The following ABCA12 variants were observed in gnomAD, a reference collection of about 807,000 sequenced individuals.
ABCA12 encodes the protein glucosylceramide transporter ABCA12.
ABCA12 carries 156 observed loss-of-function variants against 293.5 expected under a neutral mutation model. The ratio of observed to expected loss-of-function variants is 0.53; its 90% confidence interval spans 0.47 to 0.61. The LOEUF (loss-of-function observed/expected upper bound fraction) is 0.61. Ranked by LOEUF, ABCA12 falls within the 20% of genes least tolerant of loss-of-function variation. The probability of loss-of-function intolerance (pLI) is 0.00; values close to 1 mark genes in which losing one functional copy is unlikely to be tolerated. For synonymous variants in ABCA12, 1,063 were observed against 1,108.0 expected, an observed-to-expected ratio of 0.96 and a Z score of 0.81; for missense variants, 2,797 against 3,090.2, an observed-to-expected ratio of 0.91 and a Z score of 2.25.
chr2:215,073,800 G>A (rs183948058), intron 2 of ABCA12, among the ~76,000 whole-genome samples: 80 of 152,252 alleles, frequency 5.3e-4, no homozygotes, highest in African/African-American at 1.8e-3. Flanking sequence ...AACGAGTTGA[G>A]GATTTAATTC....
chr2:214,958,926 A>G, intron 40 of ABCA12, 98 bp downstream of exon 40: 2 of 1,243,818 alleles, frequency 1.6e-6, no homozygotes, highest in South Asian at 1.2e-5. Context: ...CTAGATTGAC[A>G]TTCATTCAGA....
chr2:214,987,784 C>A lies in ABCA12; in HGVS notation c.3839G>T (p.Gly1280Val). Residue 1280 changes from glycine to valine, a missense_variant, in exon 27 of 53, where the codon GGT (glycine) becomes GTT (valine). Physicochemically the swap from Gly to Val is moderately radical, Grantham distance 109 (BLOSUM62 -3). Transcript: ENST00000272895. ...TGGAAAATACCAGGGAGCTGCCATA[C>A]CGTATGTCCCTGGAATAAAAATATA... ...YVRNVFPGTYGMAAPWYFPIL... is the reference protein window; with the variant it reads ...YVRNVFPGTYVMAAPWYFPIL... 2 of 1,613,616 alleles carry A rather than the reference C, an allele frequency of 1.2e-6. No homozygotes were observed. The highest frequency in any genetic ancestry group is 2.2e-5 in the East Asian group (1 of 44,832).
chr2:214,933,981 T>C, intron 52 of ABCA12, 97 bp downstream of exon 52: 1 of 1,348,056 alleles, frequency 7.4e-7, no homozygotes, highest in Non-Finnish European at 1.0e-6. Context: ...ATTAATTCAA[T>C]TAAAAACAAA....
At position 215,011,443 on chromosome 2, in the gene ABCA12, A is replaced by G; in HGVS notation, c.2328T>C (p.Asn776=). Residue 776 remains asparagine (N), a synonymous_variant, in exon 17 of 53, where the codon AAT becomes AAC. Coordinates refer to ENST00000272895, the MANE Select transcript of ABCA12 (RefSeq NM_173076.3). ...CTTATTTTAAAGTATACTCACTGGA[A>G]TTTATGGGAATTCCATATTTTGAAG... is the stretch of plus-strand genomic sequence containing the variant. ...QIASKYGIPI[N]STPFCFSLYK... is the part of the protein sequence containing the mutation. 1 of 1,604,434 alleles carries G rather than the reference A, an allele frequency of 6.2e-7. No homozygotes were observed. Among genetic ancestry groups the G allele is most frequent in the Non-Finnish European group, 8.5e-7 (1 of 1,171,370 alleles).
Position 214,965,228 on chromosome 2 carries a change from C to T in ABCA12, c.5884+1620G>A, listed in dbSNP as rs149152480. Among the ~76,000 whole-genome samples the T allele has an allele frequency of 1.4e-3, 218 of 152,150 alleles. 1 individual carries two copies. Among genetic ancestry groups the T allele is most frequent in the African/African-American group, 5.0e-3 (208 of 41,512 alleles). On this transcript the variant is annotated intron_variant, in intron 39 of 52. Transcript: ENST00000272895. Reference sequence around the variant, plus strand: ...CTTACACCATATTCAAAAATTAACTCGAGATGGATTAAAGCCTTAAATGTA... The same window carrying T: ...CTTACACCATATTCAAAAATTAACTTGAGATGGATTAAAGCCTTAAATGTA...
At chr2:214,959,425 C>T (rs1017326277) in intron 39 of ABCA12, among the ~76,000 whole-genome samples, 4 of 152,006 alleles carry the variant, frequency 2.6e-5, no homozygotes, top group African/African-American at 9.7e-5. Flanking sequence ...TGTATTTCAA[C>T]AGCACTTCAG....
At chr2:215,066,006 T>C (rs1701633204) in intron 2 of ABCA12, among the ~76,000 whole-genome samples, 1 of 152,048 alleles carries the variant, frequency 6.6e-6, no homozygotes, top group Non-Finnish European at 1.5e-5. Flanking sequence ...TAAGTGAAAA[T>C]TGCAGTGAAC....
rs572347415 is a variant in ABCA12, at chr2:215,037,035, T to C, written c.903A>G (p.Pro301=). 3.2e-5 allele frequency: 51 copies of C among 1,613,942 alleles called. No homozygotes were observed. The South Asian group carries it at 4.9e-4, about 16-fold the overall frequency. ...SVLLVVQKVY[P]RFATNEGFRT... ...TGAAACCTTCGTTAGTTGCAAAACG[T>C]GGATAAACCTTCTGCACAACCAGCA... Residue 301 remains proline (P), a synonymous_variant, in exon 8 of 53, where the codon CCA becomes CCG. Coordinates refer to ENST00000272895, the MANE Select transcript of ABCA12 (RefSeq NM_173076.3).
At chr2:214,937,763 G>A in intron 50 of ABCA12, 148 bp from the exon 51 acceptor site, 1 of 648,642 alleles carries the variant, frequency 1.5e-6, no homozygotes, top group Non-Finnish European at 2.7e-6. Context: ...AAAAGTTCAG[G>A]ACATGTTGCA....
At chr2:215,093,455 TC>T (rs1393879085) in intron 2 of ABCA12, among the ~76,000 whole-genome samples, 1 of 152,146 alleles carries the variant, frequency 6.6e-6, no homozygotes, top group African/African-American at 2.4e-5. Flanking sequence ...ACACTAGCTC[TC>T]CCTAACTCAT....
intron 51 of ABCA12, among the ~76,000 whole-genome samples, chr2:214,937,213 T>C (rs189443923): frequency 8.3e-4 from 126 of 151,908 alleles, no homozygotes; most frequent in Middle Eastern, 3.4e-3. Context: ...TTGTTTTTGT[T>C]TTTTAGACAG....
intron 1 of ABCA12, among the ~76,000 whole-genome samples, chr2:215,122,233 T>C (rs190531786): frequency 1.3e-5 from 2 of 152,294 alleles, no homozygotes; most frequent in African/African-American, 4.8e-5. Context: ...TTTGCATGTC[T>C]ACTATGTGGC....
intron 2 of ABCA12, among the ~76,000 whole-genome samples, chr2:215,102,625 T>C (rs1289920954): frequency 1.3e-5 from 2 of 152,080 alleles, no homozygotes; most frequent in African/African-American, 2.4e-5. Context: ...ACTCTAATAC[T>C]TTTGGTTTGG....
intron 2 of ABCA12, among the ~76,000 whole-genome samples, chr2:215,106,452 A>G (rs1003845112): frequency 1.3e-5 from 2 of 152,204 alleles, no homozygotes; most frequent in Non-Finnish European, 2.9e-5. Context: ...CATCGGTGAC[A>G]CCCATGACCC....
rs1236532902 is a variant in ABCA12 at position 214,982,371 on chromosome 2, A to G, written c.4395T>C (p.Asp1465=). 3 of 1,613,852 alleles carry G rather than the reference A, an allele frequency of 1.9e-6. No individual in the cohort carries two copies. In the African/African-American group the frequency reaches 4.0e-5, roughly 22 times the overall value. ...LHEEVKRTLK[D]TGLYSHRHKR... is the part of the protein sequence containing the mutation. Reference sequence around the variant, plus strand: ...TATGACGATGGCTATATAGTCCAGTATCTTTTAAAGTCCTTCAAAAATAAT... The same window carrying G: ...TATGACGATGGCTATATAGTCCAGTGTCTTTTAAAGTCCTTCAAAAATAAT... The change falls in exon 30 of 53, where the codon GAT becomes GAC. Residue 1465 remains aspartate (D), a synonymous_variant. Transcript: ENST00000272895.
chr2:215,001,493 T>G (rs1210126032), intron 21 of ABCA12, 65 bp downstream of exon 21: 5 of 1,600,806 alleles, frequency 3.1e-6, no homozygotes, highest in Non-Finnish European at 4.3e-6. Context: ...ATGAAAGACA[T>G]GAGGAAAGAA....
chr2:215,101,528 TAGAG>T (rs1052693055), intron 2 of ABCA12, among the ~76,000 whole-genome samples: 26 of 152,240 alleles, frequency 1.7e-4, no homozygotes, highest in African/African-American at 6.3e-4. Flanking sequence ...ATCCCCAAAA[TAGAG>T]AAAAGACAAA....
intron 2 of ABCA12, among the ~76,000 whole-genome samples, chr2:215,099,209 G>A (rs960990165): frequency 9.2e-5 from 14 of 152,164 alleles, no homozygotes; most frequent in Non-Finnish European, 1.8e-4. Flanking sequence ...TAGCTTCAAG[G>A]CCCAGCTGGG....
intron 8 of ABCA12, among the ~76,000 whole-genome samples, chr2:215,033,394 C>T (rs1263450058): frequency 6.6e-6 from 1 of 152,062 alleles, no homozygotes; most frequent in Non-Finnish European, 1.5e-5. Flanking sequence ...ATTTGTAATA[C>T]TATGTGGTTA....
Sources: gnomAD v4.1 joint callset for allele counts (sites outside exome capture counted in the v4.1 genomes callset) on GRCh38, gnomAD v4.1.1 for gene constraint, MANE v1.5 for transcripts, NCBI Gene and HGNC (gene_info 2026-07-23, HGNC 2026-07-21) for gene names.